NINL: variants seen among roughly 807,000 people sequenced by gnomAD.
NINL encodes ninein-like protein.
Under a neutral mutation model 160.3 loss-of-function variants are expected in NINL, and 153 were observed. The ratio of observed to expected loss-of-function variants is 0.95; its 90% CI spans 0.84 to 1.09. The LOEUF (loss-of-function observed/expected upper bound fraction) is 1.09, where lower values mean the gene tolerates loss of function less well. Ranked by LOEUF, NINL falls within the 50% of genes least tolerant of loss-of-function variation. The probability of loss-of-function intolerance (pLI) is 0.00; values close to 1 mark genes in which losing one functional copy is unlikely to be tolerated. For missense variants in NINL, 1,829 were observed against 1,764.0 expected (o/e 1.04, Z -0.66); for synonymous variants, 800 against 734.8 (o/e 1.09, Z -1.43).
chr20:25,477,120 C>T, intron 16 of NINL, 31 bp from the exon 17 acceptor site: 1 of 1,529,818 alleles, frequency 6.5e-7, no homozygotes, highest in Non-Finnish European at 8.7e-7. Flanking sequence ...CACACCACAG[C>T]CCTGCCGCCC....
chr20:25,473,675 TACACACACACACACACACACACAC>T (rs56359105), intron 17 of NINL, among the ~76,000 whole-genome samples: 1 of 137,904 alleles, frequency 7.3e-6, no homozygotes, highest in Non-Finnish European at 1.6e-5. Context: ...AATACACACA[TACACACACACACACACACACACAC>T]ACACACACAC....
At chr20:25,560,474 C>A (rs962121578) in intron 1 of NINL, among the ~76,000 whole-genome samples, 1 of 152,122 alleles carries the variant, frequency 6.6e-6, no homozygotes, top group Non-Finnish European at 1.5e-5. Context: ...GTCAGGTGGC[C>A]CTAATATATC....
chr20:25,531,979 C>T (rs1314672660), intron 1 of NINL, among the ~76,000 whole-genome samples: 1 of 152,164 alleles, frequency 6.6e-6, no homozygotes, highest in African/African-American at 2.4e-5. Flanking sequence ...GGGCATCTTT[C>T]CCTTTCTAAA....
chr20:25,531,791 A>G (rs73597812), intron 1 of NINL, among the ~76,000 whole-genome samples: 14,548 of 152,166 alleles, frequency 0.096, 1,150 homozygotes, highest in African/African-American at 0.21. Context: ...AACGCGGCTG[A>G]GCTGTTTTCC....
chr20:25,474,374 C>T (rs1170697341), intron 17 of NINL, among the ~76,000 whole-genome samples: 3 of 152,208 alleles, frequency 2.0e-5, no homozygotes, highest in Admixed American at 6.5e-5. Flanking sequence ...CCTTGTTAAG[C>T]CACCAAGTCC....
At chr20:25,580,951 C>A (rs890783271) in intron 1 of NINL, among the ~76,000 whole-genome samples, 2 of 152,234 alleles carry the variant, frequency 1.3e-5, no homozygotes, top group African/African-American at 4.8e-5. Flanking sequence ...TACACAATAA[C>A]CAAGGAATGG....
rs1380509156 is a variant in NINL, at chr20:25,513,015, G to A, written c.278-9C>T. 1.9e-6 allele frequency: 3 copies of A among 1,591,966 alleles called. No homozygotes were observed. Among genetic ancestry groups the A allele is most frequent in the South Asian group, 2.2e-5 (2 of 89,470 alleles). On this transcript the variant is annotated splice_polypyrimidine_tract_variant and intron_variant, in intron 3 of 23. Coordinates refer to ENST00000278886, the MANE Select transcript of NINL (RefSeq NM_025176.6). ...GATGGCACTGGAGGCAGCTGGAAAGGAAACAGGAAATTTGGTGGGGGTCCT... is the reference window on the plus strand; with the variant it reads ...GATGGCACTGGAGGCAGCTGGAAAGAAAACAGGAAATTTGGTGGGGGTCCT...
chr20:25,474,487 G>T (rs1568863872), intron 17 of NINL, among the ~76,000 whole-genome samples: 1 of 152,246 alleles, frequency 6.6e-6, no homozygotes, highest in African/African-American at 2.4e-5. Context: ...AGGGTGGAGA[G>T]GCGGCCATTT....
rs1404968934 is a variant in NINL, at chr20:25,546,235, AG to A, written c.-11-19638del. Among the ~76,000 whole-genome samples the A allele has an allele frequency of 3.3e-5, 5 of 152,278 alleles. No individual in the cohort carries two copies. The East Asian group carries it at 9.6e-4, about 29-fold the overall frequency. ...TTGGGTTTTCCATTAACACCTTCAC[AG>A]CATACACTTGAGTTTTTAAGGTTGA... On this transcript the variant is annotated intron_variant, in intron 1 of 23. Coordinates refer to ENST00000278886, the MANE Select transcript of NINL (RefSeq NM_025176.6).
Position 25,476,069 on chromosome 20 carries a change from T to G in NINL, c.3222A>C (p.Lys1074Asn). 1 of 1,613,624 alleles carries G rather than the reference T, an allele frequency of 6.2e-7. No individual in the cohort carries two copies. Among genetic ancestry groups the G allele is most frequent in the Non-Finnish European group, 8.5e-7 (1 of 1,179,610 alleles). Residue 1074 changes from lysine (K) to asparagine (N), a missense_variant, in exon 17 of 24, where the codon AAA (lysine) becomes AAC (asparagine). Lys to Asn is a moderately conservative substitution (Grantham distance 94, BLOSUM62 0). Transcript: ENST00000278886. ...HLEDVVRALEKHVDLRENDRL... is the reference protein window; with the variant it reads ...HLEDVVRALENHVDLRENDRL... ...TGTCGTTCTCTCTCAAATCTACATG[T>G]TTCTCCAGAGCCCGGACGACGTCTT...
intron 1 of NINL, among the ~76,000 whole-genome samples, chr20:25,561,415 C>A (rs1470582803): frequency 1.3e-5 from 2 of 152,220 alleles, no homozygotes; most frequent in Non-Finnish European, 1.5e-5. Flanking sequence ...TGCCTTGGCC[C>A]CCCAAAGTGC....
intron 11 of NINL, 118 bp from the exon 12 acceptor site, chr20:25,490,103 A>C: frequency 1.1e-6 from 1 of 899,570 alleles, no homozygotes; most frequent in Non-Finnish European, 1.8e-6. Flanking sequence ...ACCCCCACCC[A>C]CCGCAGGCGA....
Position 25,477,036 on chromosome 20 carries a change from G to T in NINL, c.2255C>A (p.Pro752His). 1 of 1,599,318 alleles carries T rather than the reference G, an allele frequency of 6.3e-7. No individual in the cohort carries two copies. The highest frequency in any genetic ancestry group is 8.5e-7 in the Non-Finnish European group (1 of 1,179,668). Residue 752 changes from proline (P) to histidine (H), a missense_variant, in exon 17 of 24, where the codon CCC (proline) becomes CAC (histidine). Pro to His is a moderately conservative substitution (Grantham distance 77). Transcript: ENST00000278886. The part of the protein sequence containing the change: ...SGELSGLGAL[P>H]ARRDLTLELE... The stretch of plus-strand genomic sequence containing the variant: ...CTCCAAGGTCAGGTCTCTGCGAGCG[G>T]GCAGGGCTCCCAGCCCCGACAGCTC...
At chr20:25,561,949 G>A (rs1390189448) in intron 1 of NINL, among the ~76,000 whole-genome samples, 1 of 149,182 alleles carries the variant, frequency 6.7e-6, no homozygotes, top group African/African-American at 2.5e-5. Context: ...GAGGGAGGTG[G>A]GGGGTCAGCC....
At chr20:25,523,330 C>T (rs964897315) in intron 2 of NINL, among the ~76,000 whole-genome samples, 1 of 151,936 alleles carries the variant, frequency 6.6e-6, no homozygotes, top group African/African-American at 2.4e-5. Context: ...CACCTCACTA[C>T]AGCCTCAAAC....
At chr20:25,532,933 T>C (rs2064492703) in intron 1 of NINL, among the ~76,000 whole-genome samples, 1 of 151,954 alleles carries the variant, frequency 6.6e-6, no homozygotes, top group Non-Finnish European at 1.5e-5. Flanking sequence ...CCTTAGCAAA[T>C]GGAGGCAGTT....
intron 1 of NINL, among the ~76,000 whole-genome samples, chr20:25,565,553 C>A (rs140842162): frequency 2.3e-3 from 352 of 152,282 alleles, no homozygotes; most frequent in African/African-American, 8.0e-3. Flanking sequence ...TACCTTACCA[C>A]CACATCAACA....
intron 8 of NINL, 29 bp from the exon 9 acceptor site, chr20:25,498,375 G>T: frequency 2.5e-6 from 4 of 1,609,660 alleles, no homozygotes; most frequent in Non-Finnish European, 2.5e-6. Context: ...GTAAGCAGGA[G>T]AGGCTGAGGG....
At chr20:25,563,008 T>C (rs929684530) in intron 1 of NINL, among the ~76,000 whole-genome samples, 1 of 151,924 alleles carries the variant, frequency 6.6e-6, no homozygotes, top group Non-Finnish European at 1.5e-5. Flanking sequence ...CTACTAAAAA[T>C]ACAAAAAATT....
Sources: allele counts gnomAD v4.1 joint callset (sites outside exome capture counted in the v4.1 genomes callset), GRCh38; gene constraint gnomAD v4.1.1; transcripts MANE v1.5; gene names NCBI Gene and HGNC (gene_info 2026-07-23, HGNC 2026-07-21).